Variants in DSCAM observed in about 807,000 individuals in gnomAD.
The protein encoded by DSCAM is DS cell adhesion molecule, also known as cell adhesion molecule DSCAM.
DSCAM carries 47 observed loss-of-function variants against 217.7 expected under a neutral mutation model. The observed-to-expected ratio is 0.22, with a 90% CI of 0.17 to 0.28. DSCAM has a LOEUF of 0.28. Among genes scored for constraint, DSCAM ranks in the 10% least tolerant of loss-of-function variants. The probability of loss-of-function intolerance (pLI) is 1.00; values close to 1 mark genes in which losing one functional copy is unlikely to be tolerated. For missense variants in DSCAM, 2,080 were observed against 2,618.3 expected, an observed-to-expected ratio of 0.79 and a Z score of 4.49; for synonymous variants, 1,056 against 1,015.3, an observed-to-expected ratio of 1.04 and a Z score of -0.76.
At chr21:40,353,183 T>C (rs1437142031) in intron 5 of DSCAM, among the ~76,000 whole-genome samples, 8 of 152,182 alleles carry the variant, frequency 5.3e-5, no homozygotes, top group Non-Finnish European at 1.2e-4. Context: ...TGAAATCATA[T>C]CTTGGAAATG....
rs749781848 is a variant in DSCAM at position 40,156,287 on chromosome 21, C to CAGAGAGAGAGAG, written c.3018+10919_3018+10930dup. On this transcript the variant is annotated intron_variant, in intron 16 of 32. Coordinates refer to ENST00000400454, the MANE Select transcript of DSCAM (RefSeq NM_001389.5). Reference sequence around the variant, plus strand: ...GGAAGCTGTGACAGTCAAACTAAGACAGAGAGAGAGAGAGAGAGAGAGAGA... The same window carrying CAGAGAGAGAGAG: ...GGAAGCTGTGACAGTCAAACTAAGACAGAGAGAGAGAGAGAGAGAGAGAGAGAGAGAGAGAGA... Among the ~76,000 whole-genome samples, 170 of 75,734 alleles carry CAGAGAGAGAGAG rather than the reference C, an allele frequency of 2.2e-3. 7 individuals are homozygous for CAGAGAGAGAGAG. The highest frequency in any genetic ancestry group is 2.9e-3 in the Non-Finnish European group (112 of 38,416). The allele number at this position is 75,734 out of a possible 152,430, so 49.7% of individuals were successfully genotyped here.
chr21:40,220,812 C>T (rs1039049325), intron 11 of DSCAM, among the ~76,000 whole-genome samples: 1 of 152,182 alleles, frequency 6.6e-6, no homozygotes, highest in African/African-American at 2.4e-5. Context: ...GGAAATGCAG[C>T]AGGCTCACCC....
At chr21:40,362,976 C>T (rs759169864) in intron 4 of DSCAM, among the ~76,000 whole-genome samples, 6 of 152,100 alleles carry the variant, frequency 3.9e-5, no homozygotes, top group South Asian at 2.1e-4. Context: ...CTTTGGCTGA[C>T]GAGAGCCGCT....
rs188716938 is a variant in DSCAM, at chr21:40,789,224, G to A, written c.43+57395C>T. Among the ~76,000 whole-genome samples the A allele has an allele frequency of 7.3e-5, 11 of 150,736 alleles. No individual in the cohort carries two copies. The East Asian group carries it at 1.8e-3, about 24-fold the overall frequency. On this transcript the variant is annotated intron_variant, in intron 1 of 32. Coordinates refer to ENST00000400454, the MANE Select transcript of DSCAM (RefSeq NM_001389.5). ...AGGGAAACATTAAGACCTTCAGGAC[G>A]ACGAGGAAAGATAGCTGATAGCCGG...
intron 3 of DSCAM, among the ~76,000 whole-genome samples, chr21:40,549,441 G>A (rs367925102): frequency 3.3e-5 from 5 of 152,082 alleles, no homozygotes; most frequent in South Asian, 2.1e-4. Context: ...CACTACTTGC[G>A]CTTAGGAAGA....
At position 40,389,433 on chromosome 21, in the gene DSCAM, T is replaced by C. The variant is rs145872231; in HGVS notation, c.509-20188A>G. On this transcript the variant is annotated intron_variant, in intron 3 of 32. Transcript: ENST00000400454. ...TTCTTTCTGGCACATTCCAAAGATA[T>C]CCACTGTATTTGGCCAGTACCACAA... 4.2e-4 allele frequency among the ~76,000 whole-genome samples: 64 copies of C among 152,316 alleles called. No individual in the cohort carries two copies. In the East Asian group the frequency reaches 9.5e-3, roughly 23 times the overall value.
intron 3 of DSCAM, among the ~76,000 whole-genome samples, chr21:40,487,256 C>CCTCTCT (rs59987844): frequency 0.022 from 3,188 of 143,742 alleles, 47 homozygotes; most frequent in Middle Eastern, 0.053. Context: ...TCTTTCTCTC[C>CCTCTCT]CTCTCTCTCT....
intron 1 of DSCAM, among the ~76,000 whole-genome samples, chr21:40,756,802 A>T (rs2091280436): frequency 6.6e-6 from 1 of 152,120 alleles, no homozygotes; most frequent in Non-Finnish European, 1.5e-5. Context: ...AGGTATTATT[A>T]TTCTTGTTTT....
chr21:40,673,981 T>C (rs900634326), intron 3 of DSCAM, among the ~76,000 whole-genome samples: 1 of 152,120 alleles, frequency 6.6e-6, no homozygotes, highest in Admixed American at 6.5e-5. Flanking sequence ...AAAGAGAAAA[T>C]AAAAATAAAA....
chr21:40,048,357 CTG>C (rs966374051), intron 30 of DSCAM, among the ~76,000 whole-genome samples: 2 of 138,734 alleles, frequency 1.4e-5, no homozygotes, highest in Non-Finnish European at 3.1e-5. Context: ...GTGTCAGACA[CTG>C]TGGCTGGTAT....
intron 1 of DSCAM, among the ~76,000 whole-genome samples, chr21:40,782,812 T>C (rs966615564): frequency 6.6e-6 from 1 of 152,252 alleles, no homozygotes; most frequent in African/African-American, 2.4e-5. Context: ...ACTTATTAAA[T>C]AAATAAGTGT....
intron 21 of DSCAM, among the ~76,000 whole-genome samples, chr21:40,089,224 A>G (rs2089572231): frequency 6.6e-6 from 1 of 152,194 alleles, no homozygotes; most frequent in South Asian, 2.1e-4. Context: ...CCAGAAATGT[A>G]TGACTGGGCA....
At chr21:40,441,828 C>T (rs1421334776) in intron 3 of DSCAM, among the ~76,000 whole-genome samples, 1 of 152,142 alleles carries the variant, frequency 6.6e-6, no homozygotes, top group Non-Finnish European at 1.5e-5. Context: ...GATCCTTGTG[C>T]CATGGGACCC....
At chr21:40,079,168 A>T (rs976323953) in intron 25 of DSCAM, among the ~76,000 whole-genome samples, 191 bp from the exon 26 acceptor site, 1 of 152,214 alleles carries the variant, frequency 6.6e-6, no homozygotes, top group Non-Finnish European at 1.5e-5. Context: ...TCCAACTGTA[A>T]TGACCTGGGT....
chr21:40,294,427 A>C (rs906481874), intron 10 of DSCAM, among the ~76,000 whole-genome samples: 3 of 152,232 alleles, frequency 2.0e-5, no homozygotes, highest in Non-Finnish European at 4.4e-5. Flanking sequence ...AAAAAATGTT[A>C]TCTAGTTGGT....
At chr21:40,585,805 C>T (rs1438073492) in intron 3 of DSCAM, among the ~76,000 whole-genome samples, 2 of 152,088 alleles carry the variant, frequency 1.3e-5, no homozygotes, top group Non-Finnish European at 2.9e-5. Flanking sequence ...CATGAGAGTG[C>T]CCCTGAGAGT....
rs559945729 is a variant in DSCAM at position 40,480,392 on chromosome 21, C to T, written c.509-111147G>A. 3.9e-5 allele frequency among the ~76,000 whole-genome samples: 6 copies of T among 152,294 alleles called. No homozygotes were observed. The South Asian group carries it at 8.3e-4, about 21-fold the overall frequency. On this transcript the variant is annotated intron_variant, in intron 3 of 32. Transcript: ENST00000400454. ...GTATTCTTCCCTTTAAAAATCTGAA[C>T]TCAGTGTGAACAAATAACAGGTCAG...
At chr21:40,055,883 TG>T in intron 28 of DSCAM, 43 bp from the exon 29 acceptor site, 1 of 1,474,758 alleles carries the variant, frequency 6.8e-7, no homozygotes, top group Non-Finnish European at 9.5e-7. Flanking sequence ...TCCAGTTCAG[TG>T]TTAACATTCT....
At chr21:40,539,273 G>T (rs1284426235) in intron 3 of DSCAM, among the ~76,000 whole-genome samples, 1 of 152,146 alleles carries the variant, frequency 6.6e-6, no homozygotes, top group Admixed American at 6.5e-5. Flanking sequence ...GGGAGGCTGA[G>T]GCGGGCGGAT....
Sources: allele counts gnomAD v4.1 joint callset (sites outside exome capture counted in the v4.1 genomes callset), GRCh38; gene constraint gnomAD v4.1.1; transcripts MANE v1.5; gene names NCBI Gene and HGNC (gene_info 2026-07-23, HGNC 2026-07-21).